Variants in MGST1 observed in about 807,000 individuals in gnomAD.
MGST1 encodes the protein glutathione S-transferase 12.
A neutral mutation model predicts 8.9 loss-of-function variants in MGST1; 5 were observed. The ratio of observed to expected loss-of-function variants is 0.56; its 90% confidence interval spans 0.29 to 1.19. MGST1 has a LOEUF of 1.19. Ranked by LOEUF, MGST1 falls within the 50% of genes most tolerant of loss-of-function variation. The probability of loss-of-function intolerance (pLI) is 0.08; values close to 1 mark genes in which losing one functional copy is unlikely to be tolerated. For missense variants in MGST1, 182 were observed against 187.4 expected, an observed-to-expected ratio of 0.97 and a Z score of 0.17; for synonymous variants, 54 against 67.8, an observed-to-expected ratio of 0.80 and a Z score of 1.00.
intron 4 of MGST1, among the ~76,000 whole-genome samples, chr12:16,541,798 T>C (rs1941794901): frequency 1.3e-5 from 2 of 152,158 alleles, no homozygotes; most frequent in Admixed American, 6.5e-5. Context: ...TAAATCAGGC[T>C]AAGTAAGAAT....
intron 4 of MGST1, among the ~76,000 whole-genome samples, chr12:16,514,570 C>G (rs1405742013): frequency 6.7e-6 from 1 of 149,690 alleles, no homozygotes; most frequent in East Asian, 2.6e-4. Context: ...AGCAAGGAGT[C>G]CTCCATCTAC....
rs111508443 is a variant in MGST1, at chr12:16,576,911, C to A, written n.483-12617C>A. Reference sequence around the variant, plus strand: ...AGAAATGATTATACCACCCTCCCCACGTTCTTTCCTAAACTATCTATTTTA... The same window carrying A: ...AGAAATGATTATACCACCCTCCCCAAGTTCTTTCCTAAACTATCTATTTTA... On this transcript the variant is annotated intron_variant and non_coding_transcript_variant, in intron 4 of 4. Coordinates refer to the MGST1 transcript ENST00000538857. This position sits in a 1 kb window ranked among gnomAD's most constrained non-coding sequence, Gnocchi z 4.1. Among the ~76,000 whole-genome samples the A allele has an allele frequency of 6.6e-6, 1 of 152,176 alleles. No individual in the cohort carries two copies. The highest frequency in any genetic ancestry group is 1.5e-5 in the Non-Finnish European group (1 of 68,030).
rs543502488 is a variant in MGST1 at position 16,361,036 on chromosome 12, T to C, written c.222-2759T>C. Among the ~76,000 whole-genome samples the C allele has an allele frequency of 1.7e-3, 247 of 142,276 alleles. No individual in the cohort carries two copies. The highest frequency in any genetic ancestry group is 6.0e-3 in the Admixed American group (83 of 13,782). 93.3% of individuals were successfully genotyped at this position (142,276 alleles called of 152,430 possible). On this transcript the variant is annotated intron_variant, in intron 3 of 3. Coordinates refer to ENST00000396210, the MANE Select transcript of MGST1 (RefSeq NM_020300.5). This position sits in a 1 kb window ranked among gnomAD's most constrained non-coding sequence, Gnocchi z 4.2. The stretch of plus-strand genomic sequence containing the variant: ...TGCATATAGGAATGGGAGAATGATA[T>C]GAAGCCATGTTCCATTAGTTCCATG...
intron 4 of MGST1, chr12:16,514,351 CGTTTGCTT>C: frequency 3.3e-6 from 1 of 304,904 alleles, no homozygotes; most frequent in South Asian, 3.1e-5. Flanking sequence ...CAATGGGACC[CGTTTGCTT>C]CTACCATTCT....
intron 4 of MGST1, among the ~76,000 whole-genome samples, chr12:16,563,287 C>T (rs1048368472): frequency 1.4e-4 from 21 of 152,124 alleles, no homozygotes; most frequent in African/African-American, 5.1e-4. Flanking sequence ...AGAGATCATT[C>T]TATAGCTACA....
In MGST1 at chr12:16,586,721, G is replaced by GT. The variant is rs1274286295; in HGVS notation, n.483-2800dup. Among the ~76,000 whole-genome samples the GT allele has an allele frequency of 3.3e-5, 5 of 152,114 alleles. No homozygotes were observed. The highest frequency in any genetic ancestry group is 4.8e-5 in the African/African-American group (2 of 41,412). On this transcript the variant is annotated intron_variant and non_coding_transcript_variant, in intron 4 of 4. Coordinates refer to the MGST1 transcript ENST00000538857. The surrounding 1 kb of genome is among the most constrained non-coding windows in gnomAD (Gnocchi z 4.3). ...TTGACCCCCCATTGCAGTAGATGATGTTTTTTTCCATTTCTCTGGTACTTG... is the reference window on the plus strand; with the variant it reads ...TTGACCCCCCATTGCAGTAGATGATGTTTTTTTTCCATTTCTCTGGTACTTG...
At chr12:16,424,535 C>T (rs934124004) in intron 1 of MGST1, among the ~76,000 whole-genome samples, 1 of 152,116 alleles carries the variant, frequency 6.6e-6, no homozygotes, top group Non-Finnish European at 1.5e-5. Flanking sequence ...TCTTGTAAGG[C>T]CCAGGATTGA....
intron 4 of MGST1, among the ~76,000 whole-genome samples, chr12:16,446,406 T>C (rs1242435847): frequency 2.6e-5 from 4 of 151,952 alleles, no homozygotes; most frequent in South Asian, 2.1e-4. Context: ...GAAATGACCA[T>C]GACTTTTTTA....
intron 1 of MGST1, among the ~76,000 whole-genome samples, chr12:16,396,534 A>T (rs1165464055): frequency 6.6e-6 from 1 of 152,142 alleles, no homozygotes; most frequent in East Asian, 1.9e-4. Context: ...TACCTAGAAA[A>T]TCCTAAAGAC....
downstream of MGST1, among the ~76,000 whole-genome samples, chr12:16,378,138 C>A (rs1235899938): frequency 1.3e-5 from 2 of 152,120 alleles, no homozygotes; most frequent in Non-Finnish European, 2.9e-5. Context: ...TGTGCAGAAG[C>A]TCTTTCATTT....
At chr12:16,572,642 AT>A (rs1942855128) in intron 4 of MGST1, among the ~76,000 whole-genome samples, 1 of 148,510 alleles carries the variant, frequency 6.7e-6, no homozygotes, top group Non-Finnish European at 1.5e-5. Context: ...CTTGTAAAAT[AT>A]ATTTAAGTCA....
chr12:16,357,786 T>A, intron 3 of MGST1, 87 bp downstream of exon 3: 1 of 1,064,062 alleles, frequency 9.4e-7, no homozygotes, highest in Admixed American at 2.5e-5. Context: ...TCTTGGAGAC[T>A]GAGGAAAAAA....
At chr12:16,404,093 T>A (rs1012848722) in intron 1 of MGST1, among the ~76,000 whole-genome samples, 4 of 152,178 alleles carry the variant, frequency 2.6e-5, no homozygotes, top group African/African-American at 9.7e-5. Flanking sequence ...TTCAATTAAT[T>A]TTATGCCATG....
downstream of MGST1, among the ~76,000 whole-genome samples, chr12:16,380,110 T>A (rs1316470696): frequency 1.3e-5 from 2 of 152,184 alleles, no homozygotes; most frequent in East Asian, 3.8e-4. Flanking sequence ...GATTCATTAA[T>A]TTTTGAAGGG....
At position 16,500,818 on chromosome 12, in the gene MGST1, C is replaced by T. The variant is rs1941501217; in HGVS notation, n.483-88710C>T. Among the ~76,000 whole-genome samples, 1 of 152,016 alleles carries T rather than the reference C, an allele frequency of 6.6e-6. No homozygotes were observed. The highest frequency in any genetic ancestry group is 1.5e-5 in the Non-Finnish European group (1 of 68,010). Reference sequence around the variant, plus strand: ...GTTCTTTTTGTTCAATGAAAATGTACTTAGAGGTTGGGCGTGGTGGCTCAC... The same window carrying T: ...GTTCTTTTTGTTCAATGAAAATGTATTTAGAGGTTGGGCGTGGTGGCTCAC... On this transcript the variant is annotated intron_variant and non_coding_transcript_variant, in intron 4 of 4. Transcript: ENST00000538857. This position sits in a 1 kb window ranked among gnomAD's most constrained non-coding sequence, Gnocchi z 4.3.
intron 4 of MGST1, chr12:16,551,062 C>T (rs1239151648): frequency 1.1e-5 from 6 of 545,802 alleles, no homozygotes; most frequent in African/African-American, 3.7e-5. Flanking sequence ...GGCAATTTCA[C>T]TACATACAGA....
intron 1 of MGST1, among the ~76,000 whole-genome samples, chr12:16,411,999 G>A (rs372998119): frequency 8.5e-5 from 13 of 152,100 alleles, no homozygotes; most frequent in African/African-American, 2.9e-4. Context: ...CCCATATAAA[G>A]TGTATAAACT....
intron 4 of MGST1, among the ~76,000 whole-genome samples, chr12:16,583,838 T>C (rs1397461417): frequency 6.6e-6 from 1 of 152,036 alleles, no homozygotes; most frequent in African/African-American, 2.4e-5. Flanking sequence ...TGATTGACAG[T>C]TGGGTTCATA....
downstream of MGST1, among the ~76,000 whole-genome samples, chr12:16,590,882 A>G (rs1256027326): frequency 1.3e-5 from 2 of 152,086 alleles, no homozygotes; most frequent in Non-Finnish European, 2.9e-5. Flanking sequence ...TTTCAAATTC[A>G]TATTTCACAA....
Sources: allele counts gnomAD v4.1 joint callset (sites outside exome capture counted in the v4.1 genomes callset), GRCh38; gene constraint gnomAD v4.1.1; non-coding constraint Gnocchi (gnomAD v3.1); transcripts MANE v1.5; gene names NCBI Gene and HGNC (gene_info 2026-07-23, HGNC 2026-07-21).